Variants in VAT1L observed in about 807,000 individuals in gnomAD.
The protein encoded by VAT1L is vesicle amine transport 1 like, also known as putative NADPH-dependent quinone oxidoreductase VAT1L.
Under a neutral mutation model 44.1 loss-of-function variants are expected in VAT1L, and 34 were observed. That is an observed-to-expected ratio of 0.77 (90% CI 0.59 to 1.03). The LOEUF (loss-of-function observed/expected upper bound fraction) is 1.03. Ranked by LOEUF, VAT1L falls within the 50% of genes least tolerant of loss-of-function variation. VAT1L has a pLI of 0.00. For missense variants in VAT1L, 615 were observed against 538.8 expected, an observed-to-expected ratio of 1.14 and a Z score of -1.40; for synonymous variants, 253 against 202.2, an observed-to-expected ratio of 1.25 and a Z score of -2.13.
chr16:77,895,008 C>A (rs528313041), intron 7 of VAT1L, among the ~76,000 whole-genome samples: 2 of 151,896 alleles, frequency 1.3e-5, no homozygotes, highest in South Asian at 4.2e-4. Context: ...GCTGTAGGTC[C>A]CTACACTTCA....
chr16:77,949,924 AT>A (rs1375054415), intron 7 of VAT1L, among the ~76,000 whole-genome samples: 1 of 152,116 alleles, frequency 6.6e-6, no homozygotes, highest in African/African-American at 2.4e-5. Context: ...TGTCACTTTT[AT>A]TTTGGTGTTA....
At chr16:77,798,140 C>G (rs2015971858) in intron 1 of VAT1L, among the ~76,000 whole-genome samples, 1 of 152,136 alleles carries the variant, frequency 6.6e-6, no homozygotes, top group South Asian at 2.1e-4. Flanking sequence ...GAACCCAAAG[C>G]CAAAGCATTG....
chr16:77,801,201 GA>G (rs1255717172), intron 1 of VAT1L: 2 of 64,788 alleles, frequency 3.1e-5, no homozygotes, highest in Non-Finnish European at 7.5e-5. Flanking sequence ...TGATCCCTGT[GA>G]TACCAAGCAT....
At chr16:77,796,681 A>C (rs1199009758) in intron 1 of VAT1L, among the ~76,000 whole-genome samples, 1 of 152,244 alleles carries the variant, frequency 6.6e-6, no homozygotes, top group Non-Finnish European at 1.5e-5. Flanking sequence ...GTTTCTTCCT[A>C]AATGACTTGG....
intron 7 of VAT1L, among the ~76,000 whole-genome samples, chr16:77,969,242 C>T (rs1051459236): frequency 6.6e-6 from 1 of 152,172 alleles, no homozygotes; most frequent in African/African-American, 2.4e-5. Flanking sequence ...TTCCCTTAAC[C>T]GTGAGTATCT....
chr16:77,902,851 T>G (rs927768940), intron 7 of VAT1L, among the ~76,000 whole-genome samples: 3 of 151,590 alleles, frequency 2.0e-5, no homozygotes, highest in Non-Finnish European at 2.9e-5. Context: ...TCCACTCCTG[T>G]ATTCCCAGCT....
chr16:77,814,847 T>C (rs1366209146), intron 1 of VAT1L, among the ~76,000 whole-genome samples: 1 of 152,236 alleles, frequency 6.6e-6, no homozygotes, highest in African/African-American at 2.4e-5. Context: ...AACCCTTTTT[T>C]TACGAGTGCC....
intron 7 of VAT1L, among the ~76,000 whole-genome samples, chr16:77,934,594 T>C (rs1291796403): frequency 2.0e-5 from 3 of 152,112 alleles, no homozygotes; most frequent in African/African-American, 7.2e-5. Context: ...CCCCTGTTGG[T>C]TTAAGCCACT....
intron 7 of VAT1L, among the ~76,000 whole-genome samples, chr16:77,893,328 A>G (rs867038115): frequency 6.6e-6 from 1 of 152,242 alleles, no homozygotes; most frequent in East Asian, 1.9e-4. Context: ...AGGAAATCAG[A>G]AATAAAGGAC....
At chr16:77,970,686 A>G (rs1167782028) in intron 7 of VAT1L, among the ~76,000 whole-genome samples, 1 of 152,216 alleles carries the variant, frequency 6.6e-6, no homozygotes, top group Admixed American at 6.5e-5. Context: ...TCTTTTGTGT[A>G]ATAAGTTTTT....
intron 7 of VAT1L, among the ~76,000 whole-genome samples, chr16:77,946,228 A>C (rs2017961008): frequency 6.7e-6 from 1 of 149,168 alleles, no homozygotes; most frequent in African/African-American, 2.5e-5. Context: ...AAACAGCTCT[A>C]ACAGAGTTTA....
chr16:77,831,896 A>G (rs1012754900), intron 3 of VAT1L, among the ~76,000 whole-genome samples: 4 of 151,654 alleles, frequency 2.6e-5, no homozygotes, highest in African/African-American at 9.7e-5. Flanking sequence ...GCTCACTGCA[A>G]CTTCTGCCTC....
At chr16:77,881,741 G>A (rs1460186218) in intron 6 of VAT1L, among the ~76,000 whole-genome samples, 5 of 152,260 alleles carry the variant, frequency 3.3e-5, no homozygotes, top group African/African-American at 4.8e-5. Flanking sequence ...GGAGGAGCAA[G>A]AATGGAGTGT....
intron 7 of VAT1L, among the ~76,000 whole-genome samples, chr16:77,922,861 C>T (rs2017626970): frequency 6.6e-6 from 1 of 152,120 alleles, no homozygotes; most frequent in African/African-American, 2.4e-5. Context: ...TGCCAGTGGC[C>T]CTCAAAGTGT....
At chr16:77,883,009 A>G (rs968738394) in intron 6 of VAT1L, among the ~76,000 whole-genome samples, 1 of 152,158 alleles carries the variant, frequency 6.6e-6, no homozygotes, top group Non-Finnish European at 1.5e-5. Context: ...TTTGTAAATA[A>G]TTTTGTATAT....
At chr16:77,912,702 T>C (rs1472098294) in intron 7 of VAT1L, among the ~76,000 whole-genome samples, 1 of 152,200 alleles carries the variant, frequency 6.6e-6, no homozygotes, top group African/African-American at 2.4e-5. Flanking sequence ...CCCCACCTGA[T>C]AGCTATTGCC....
rs756747284 is a variant in VAT1L at position 77,884,747 on chromosome 16, T to C, written c.1022T>C (p.Leu341Pro). 6.3e-7 allele frequency: 1 copy of C among 1,593,048 alleles called. No homozygotes were observed. Among genetic ancestry groups the C allele is most frequent in the Non-Finnish European group, 8.5e-7 (1 of 1,170,242 alleles). ...IRGVVEKLIGLYNQKKIKPVV... is the reference protein window; with the variant it reads ...IRGVVEKLIGPYNQKKIKPVV... ...GGAGTGGTGGAAAAACTCATAGGGC[T>C]CTACAACCAGAAGAAGATCAAGCCT... is the stretch of plus-strand genomic sequence containing the variant. Residue 341 changes from leucine (L) to proline (P), a missense_variant, in exon 7 of 9, where the codon CTC becomes CCC. Transcript: ENST00000302536. This position sits in a 1 kb window ranked among gnomAD's most constrained non-coding sequence, Gnocchi z 4.5.
chr16:77,792,802 C>A (rs2015857631), intron 1 of VAT1L, among the ~76,000 whole-genome samples: 1 of 152,118 alleles, frequency 6.6e-6, no homozygotes, highest in Non-Finnish European at 1.5e-5. Flanking sequence ...ACTTCTGTTT[C>A]CCGGACTATA....
chr16:77,937,709 AG>A (rs986602100), intron 7 of VAT1L, among the ~76,000 whole-genome samples: 83 of 152,204 alleles, frequency 5.5e-4, no homozygotes, highest in African/African-American at 1.7e-3. Flanking sequence ...GAGTTTTGCC[AG>A]GGGGCCCTTC....
Sources: allele counts gnomAD v4.1 joint callset (sites outside exome capture counted in the v4.1 genomes callset), GRCh38; gene constraint gnomAD v4.1.1; non-coding constraint Gnocchi (gnomAD v3.1); transcripts MANE v1.5; gene names NCBI Gene and HGNC (gene_info 2026-07-23, HGNC 2026-07-21).